The following SLC12A6 variants were observed in gnomAD, a reference collection of about 807,000 sequenced individuals.
SLC12A6 encodes the protein solute carrier family 12 member 6, also known as K-Cl cotransporter 3.
SLC12A6 carries 66 observed loss-of-function variants against 135.3 expected under a neutral mutation model. The observed-to-expected ratio is 0.49, with a 90% CI of 0.40 to 0.60. The LOEUF is 0.60. Ranked by LOEUF, SLC12A6 falls within the 20% of genes least tolerant of loss-of-function variation. The pLI, the probability that SLC12A6 is intolerant of heterozygous loss-of-function variation, is 0.00. For missense variants in SLC12A6, 1,058 were observed against 1,452.3 expected, an observed-to-expected ratio of 0.73 and a Z score of 4.41; for synonymous variants, 513 against 508.8, an observed-to-expected ratio of 1.01 and a Z score of -0.11.
chr15:34,285,717 T>TA (rs144158165), intron 2 of SLC12A6, among the ~76,000 whole-genome samples: 10 of 131,108 alleles, frequency 7.6e-5, no homozygotes, highest in African/African-American at 2.7e-4. Flanking sequence ...TGTGTGTTTG[T>TA]CATACATAAA....
chr15:34,332,907 T>TC (rs1226472039), intron 2 of SLC12A6, among the ~76,000 whole-genome samples: 3 of 152,208 alleles, frequency 2.0e-5, no homozygotes, highest in African/African-American at 7.2e-5. Flanking sequence ...GGCAAAATGA[T>TC]GCAAGAAAGA....
rs757009308 is a variant in SLC12A6 at position 34,254,597 on chromosome 15, G to A, written c.877-8C>T. The A allele has an allele frequency of 5.6e-6, 9 of 1,595,562 alleles. No individual in the cohort carries two copies. Among genetic ancestry groups the A allele is most frequent in the Non-Finnish European group, 6.0e-6 (7 of 1,163,170 alleles). Reference sequence around the variant, plus strand: ...TCGGGGGACGATATAGACCTGTTAGGTAAAAATAAAGGAGAAAATTAGGTT... The same window carrying A: ...TCGGGGGACGATATAGACCTGTTAGATAAAAATAAAGGAGAAAATTAGGTT... On this transcript the variant is annotated splice_region_variant and splice_polypyrimidine_tract_variant and intron_variant, in intron 8 of 25. Transcript: ENST00000354181.
chr15:34,256,848 G>C (rs574538399), intron 6 of SLC12A6, among the ~76,000 whole-genome samples: 1 of 152,272 alleles, frequency 6.6e-6, no homozygotes, highest in South Asian at 2.1e-4. Context: ...TGAATAAAAA[G>C]GGCTGAGTGT....
chr15:34,237,252 A>G lies in SLC12A6; in HGVS notation c.2934+167T>C, dbSNP rs1891326496. 17 of 591,974 alleles carry G rather than the reference A, an allele frequency of 2.9e-5. No individual in the cohort carries two copies. In the South Asian group the frequency reaches 3.4e-4, roughly 12 times the overall value. The allele number at this position is 591,974 out of a possible 1,614,324, so 36.7% of individuals were successfully genotyped here. ...AACATCAAACATGCATCACATATAC[A>G]TTCTACTTAGGGCAACAAATTAGGG... On this transcript the variant is annotated intron_variant, in intron 22 of 25. Coordinates refer to ENST00000354181, the MANE Select transcript of SLC12A6 (RefSeq NM_001365088.1).
intron 15 of SLC12A6, among the ~76,000 whole-genome samples, chr15:34,244,433 T>A (rs1891850603): frequency 6.6e-6 from 1 of 152,236 alleles, no homozygotes; most frequent in Non-Finnish European, 1.5e-5. Context: ...CATTTCTTCT[T>A]TCCAATTAGC....
At position 34,235,583 on chromosome 15, in the gene SLC12A6, C is replaced by A. The variant is rs189038527; in HGVS notation, c.3228-269G>T. ...CCGAGTAGCTGGGATTACAGGCCCC[C>A]ACCACCATACCCGGCTAATTTTTTT... is the stretch of plus-strand genomic sequence containing the variant. On this transcript the variant is annotated intron_variant, in intron 24 of 25. Transcript: ENST00000354181. Among the ~76,000 whole-genome samples the A allele has an allele frequency of 5.3e-3, 807 of 151,802 alleles. 12 individuals are homozygous for A. The highest frequency in any genetic ancestry group is 0.018 in the African/African-American group (753 of 41,368).
In SLC12A6 at chr15:34,257,787, G is replaced by T; in HGVS notation, c.545C>A (p.Thr182Asn). ...ITEGKKKPTK[T>N]PQMGTFMGVY... is the part of the protein sequence containing the mutation. ...ACCCATGAAGGTACCCATTTGGGGG[G>T]TCTAGAAAGAAAGACATTGATAAAA... Residue 182 changes from threonine to asparagine, a missense_variant and splice_region_variant, in exon 6 of 26, where the codon ACC becomes AAC. Thr to Asn is a moderately conservative substitution (Grantham distance 65, BLOSUM62 0). Coordinates refer to ENST00000354181, the MANE Select transcript of SLC12A6 (RefSeq NM_001365088.1). The T allele has an allele frequency of 1.2e-6, 2 of 1,600,624 alleles. No individual in the cohort carries two copies. Among genetic ancestry groups the T allele is most frequent in the Non-Finnish European group, 1.7e-6 (2 of 1,168,142 alleles).
At chr15:34,321,003 A>G (rs1360599339) in intron 2 of SLC12A6, among the ~76,000 whole-genome samples, 1 of 152,164 alleles carries the variant, frequency 6.6e-6, no homozygotes, top group African/African-American at 2.4e-5. Flanking sequence ...GAAAGCAATA[A>G]AGACCTAGTT....
chr15:34,318,696 A>T, intron 2 of SLC12A6: 1 of 1,613,458 alleles, frequency 6.2e-7, no homozygotes, highest in Middle Eastern at 1.7e-4. Context: ...GTTAGATAAT[A>T]CTTTGCTCTT....
intron 13 of SLC12A6, among the ~76,000 whole-genome samples, chr15:34,249,635 G>T (rs940180362): frequency 6.6e-6 from 1 of 152,100 alleles, no homozygotes; most frequent in African/African-American, 2.4e-5. Flanking sequence ...TAAGTTTCAG[G>T]CTTTTATTTA....
At chr15:34,315,821 T>C (rs1888605912) in intron 2 of SLC12A6, among the ~76,000 whole-genome samples, 1 of 151,882 alleles carries the variant, frequency 6.6e-6, no homozygotes, top group South Asian at 2.1e-4. Context: ...CTACTAAGAA[T>C]ACAAAAAATT....
In SLC12A6 at chr15:34,336,393, T is replaced by C. The variant is rs1890197438; in HGVS notation, c.271+17A>G. Reference sequence around the variant, plus strand: ...ACCCAGTAATGAAAGTATGCTGCGGTCTGTGTTTCTACTTACCCTCGATGA... The same window carrying C: ...ACCCAGTAATGAAAGTATGCTGCGGCCTGTGTTTCTACTTACCCTCGATGA... On this transcript the variant is annotated intron_variant, in intron 2 of 25. Coordinates refer to ENST00000354181, the MANE Select transcript of SLC12A6 (RefSeq NM_001365088.1). 3 of 1,603,340 alleles carry C rather than the reference T, an allele frequency of 1.9e-6. No homozygotes were observed. The East Asian group carries it at 6.7e-5, about 36-fold the overall frequency.
rs575971272 is a variant in SLC12A6 at position 34,326,025 on chromosome 15, A to C, written c.271+10385T>G. On this transcript the variant is annotated intron_variant, in intron 2 of 25. Transcript: ENST00000354181. ...ACTAGAGGAAAGAATAGAGTAGGAT[A>C]GTTGATGGCTAGCTAATTTGATAGC... Among the ~76,000 whole-genome samples the C allele has an allele frequency of 4.6e-5, 7 of 152,330 alleles. No homozygotes were observed. The South Asian group carries it at 1.5e-3, about 32-fold the overall frequency.
intron 2 of SLC12A6, among the ~76,000 whole-genome samples, chr15:34,304,045 A>G (rs1896434216): frequency 6.6e-6 from 1 of 152,196 alleles, no homozygotes; most frequent in South Asian, 2.1e-4. Flanking sequence ...GAAACCCTCT[A>G]CCCATCAGCA....
chr15:34,230,969 T>TG lies in SLC12A6; in HGVS notation c.*2911dup, dbSNP rs1890883025. On this transcript the variant is annotated 3_prime_UTR_variant, in exon 26 of 26. Coordinates refer to ENST00000354181, the MANE Select transcript of SLC12A6 (RefSeq NM_001365088.1). ...CTTTCTGCCCATAATTTGTTCTACA[T>TG]GGAAAAAAAAAATATTACTTTGGCC... is the stretch of plus-strand genomic sequence containing the variant. The TG allele has an allele frequency of 6.6e-6, 1 of 151,900 alleles. No individual in the cohort carries two copies. The highest frequency in any genetic ancestry group is 1.5e-5 in the Non-Finnish European group (1 of 67,936). The allele number at this position is 151,900 out of a possible 1,614,324, so 9.4% of individuals were successfully genotyped here.
intron 11 of SLC12A6, 23 bp from the exon 12 acceptor site, chr15:34,250,752 AC>A: frequency 1.4e-6 from 2 of 1,465,874 alleles, no homozygotes; most frequent in Non-Finnish European, 1.9e-6. Flanking sequence ...GGGGGAAAAA[AC>A]CAAGTTAACT....
chr15:34,262,497 A>C (rs1234445845), intron 3 of SLC12A6, among the ~76,000 whole-genome samples: 2 of 152,156 alleles, frequency 1.3e-5, no homozygotes, highest in Non-Finnish European at 2.9e-5. Flanking sequence ...GGTACAAAGA[A>C]GGCTGTAATA....
intron 2 of SLC12A6, among the ~76,000 whole-genome samples, chr15:34,302,160 A>C (rs1381044552): frequency 6.6e-6 from 1 of 152,204 alleles, no homozygotes; most frequent in Non-Finnish European, 1.5e-5. Flanking sequence ...TTCTCAGCCT[A>C]TAACACTGAG....
At chr15:34,275,324 A>G (rs1474832226) in intron 3 of SLC12A6, 21 bp downstream of exon 3, 6 of 1,313,936 alleles carry the variant, frequency 4.6e-6, no homozygotes, top group Non-Finnish European at 6.6e-6. Flanking sequence ...GATAAAGTCA[A>G]TCCCCACAGT....
Sources: allele counts gnomAD v4.1 joint callset (sites outside exome capture counted in the v4.1 genomes callset), GRCh38; gene constraint gnomAD v4.1.1; transcripts MANE v1.5; gene names NCBI Gene and HGNC (gene_info 2026-07-23, HGNC 2026-07-21).